The following GRIN2A variants were observed in gnomAD, a reference collection of about 807,000 sequenced individuals.
The protein encoded by GRIN2A is glutamate receptor ionotropic, NMDA 2A.
Under a neutral mutation model 113.4 loss-of-function variants are expected in GRIN2A, and 22 were observed. The observed-to-expected ratio is 0.19, with a 90% CI of 0.14 to 0.28. GRIN2A has a LOEUF of 0.28. Ranked by LOEUF, GRIN2A falls within the 10% of genes least tolerant of loss-of-function variation. The probability of loss-of-function intolerance (pLI) is 1.00; values close to 1 mark genes in which losing one functional copy is unlikely to be tolerated. For missense variants in GRIN2A, 1,502 were observed against 1,887.0 expected (o/e 0.80, Z 3.78); for synonymous variants, 827 against 738.4 (o/e 1.12, Z -1.94).
intron 4 of GRIN2A, among the ~76,000 whole-genome samples, chr16:9,869,728 C>T (rs2043222793): frequency 6.6e-6 from 1 of 152,196 alleles, no homozygotes; most frequent in South Asian, 2.1e-4. Context: ...GTAGTAACTG[C>T]AAGGCACTTA....
chr16:10,170,450 T>C (rs1256712624), intron 2 of GRIN2A, among the ~76,000 whole-genome samples: 3 of 152,230 alleles, frequency 2.0e-5, no homozygotes, highest in African/African-American at 7.2e-5. Context: ...CAAAAATATA[T>C]TGTATACAGG....
intron 2 of GRIN2A, among the ~76,000 whole-genome samples, chr16:10,146,596 T>C (rs2142275821): frequency 1.3e-5 from 2 of 152,108 alleles, no homozygotes; most frequent in Non-Finnish European, 2.9e-5. Context: ...GAGTATAAAT[T>C]GCCATGTCTA....
At chr16:9,815,385 C>A (rs576476938) in intron 10 of GRIN2A, among the ~76,000 whole-genome samples, 15 of 120,712 alleles carry the variant, frequency 1.2e-4, no homozygotes, top group African/African-American at 4.0e-4. Context: ...CCAGAATATA[C>A]AGAGAACTCT....
At chr16:9,772,968 C>A in intron 11 of GRIN2A, among the ~76,000 whole-genome samples, 1 of 148,852 alleles carries the variant, frequency 6.7e-6, no homozygotes. Flanking sequence ...TTCTCATTAC[C>A]AATTACAGCC....
At chr16:10,002,519 C>A (rs890045508) in intron 2 of GRIN2A, among the ~76,000 whole-genome samples, 6 of 152,174 alleles carry the variant, frequency 3.9e-5, no homozygotes, top group Admixed American at 2.6e-4. Flanking sequence ...TCAGTGTAGT[C>A]ATCTATAGGT....
At chr16:10,039,784 G>GA (rs1305494508) in intron 2 of GRIN2A, among the ~76,000 whole-genome samples, 1,854 of 93,748 alleles carry the variant, frequency 0.02, 120 homozygotes, top group African/African-American at 0.06. Context: ...GGGAGGGGGA[G>GA]GGGGAGGGGG....
chr16:9,803,469 C>A (rs144607151), intron 10 of GRIN2A, among the ~76,000 whole-genome samples: 7 of 151,926 alleles, frequency 4.6e-5, no homozygotes, highest in Admixed American at 2.6e-4. Flanking sequence ...CCTTAGAGGG[C>A]TGCTGGGAAT....
chr16:10,117,789 TA>T (rs1198523919), intron 2 of GRIN2A, among the ~76,000 whole-genome samples: 1 of 152,198 alleles, frequency 6.6e-6, no homozygotes, highest in Non-Finnish European at 1.5e-5. Flanking sequence ...AGTGTTAAGA[TA>T]AAAAATACAC....
At chr16:9,869,604 C>A (rs190357406) in intron 4 of GRIN2A, among the ~76,000 whole-genome samples, 1 of 152,298 alleles carries the variant, frequency 6.6e-6, no homozygotes, top group East Asian at 1.9e-4. Context: ...AGCTCTTCTG[C>A]TTACCAGCTA....
At chr16:9,882,491 C>CA (rs1567369678) in intron 4 of GRIN2A, among the ~76,000 whole-genome samples, 1 of 152,038 alleles carries the variant, frequency 6.6e-6, no homozygotes, top group Admixed American at 6.6e-5. Flanking sequence ...TACTGTAGAC[C>CA]AAAAAATAGA....
At chr16:9,917,086 C>G (rs1012551107) in intron 3 of GRIN2A, among the ~76,000 whole-genome samples, 3 of 152,162 alleles carry the variant, frequency 2.0e-5, no homozygotes, top group Non-Finnish European at 4.4e-5. Context: ...CACTCTGCTC[C>G]CTTTGGCTGG....
chr16:10,049,732 T>C (rs953517976), intron 2 of GRIN2A, among the ~76,000 whole-genome samples: 1 of 152,216 alleles, frequency 6.6e-6, no homozygotes, highest in Admixed American at 6.5e-5. Context: ...TTTTCCATTA[T>C]ACTTAGCACC....
intron 10 of GRIN2A, among the ~76,000 whole-genome samples, chr16:9,803,680 G>A (rs946194061): frequency 6.6e-6 from 1 of 152,074 alleles, no homozygotes; most frequent in Non-Finnish European, 1.5e-5. Context: ...GCAGGGATGG[G>A]CATACTACTG....
intron 7 of GRIN2A, among the ~76,000 whole-genome samples, chr16:9,840,403 A>C (rs572520954): frequency 6.6e-6 from 1 of 152,168 alleles, no homozygotes; most frequent in Non-Finnish European, 1.5e-5. Flanking sequence ...AACCATCCCC[A>C]TGATCCCGTC....
At chr16:9,956,379 G>A (rs1319594265) in intron 2 of GRIN2A, among the ~76,000 whole-genome samples, 1 of 152,102 alleles carries the variant, frequency 6.6e-6, no homozygotes, top group Non-Finnish European at 1.5e-5. Flanking sequence ...CGTATGAGCC[G>A]TGTGTCTCAG....
At chr16:9,852,332 C>T (rs1384949674) in intron 4 of GRIN2A, among the ~76,000 whole-genome samples, 1 of 152,182 alleles carries the variant, frequency 6.6e-6, no homozygotes, top group East Asian at 1.9e-4. Flanking sequence ...TCCTTCCTTG[C>T]AGACATGTTT....
intron 12 of GRIN2A, among the ~76,000 whole-genome samples, chr16:9,766,445 C>T (rs1391930079): frequency 6.6e-6 from 1 of 152,188 alleles, no homozygotes; most frequent in African/African-American, 2.4e-5. Context: ...GTTTGAGCTG[C>T]TCTTTCTCTG....
intron 2 of GRIN2A, among the ~76,000 whole-genome samples, chr16:10,017,650 A>T (rs2046635704): frequency 6.6e-6 from 1 of 152,196 alleles, no homozygotes; most frequent in African/African-American, 2.4e-5. Flanking sequence ...TGAGCCTGAG[A>T]CACTGTGAGT....
chr16:9,881,328 A>T (rs1456269617), intron 4 of GRIN2A, among the ~76,000 whole-genome samples: 1 of 152,238 alleles, frequency 6.6e-6, no homozygotes, highest in Non-Finnish European at 1.5e-5. Context: ...AGGAAGAAAG[A>T]AGCACAAAAG....
Sources: gnomAD v4.1 joint callset for allele counts (sites outside exome capture counted in the v4.1 genomes callset) on GRCh38, gnomAD v4.1.1 for gene constraint, MANE v1.5 for transcripts, NCBI Gene and HGNC (gene_info 2026-07-23, HGNC 2026-07-21) for gene names.